The following JARID2 variants were observed in gnomAD, a reference collection of about 807,000 sequenced individuals.
The protein encoded by JARID2 is jumonji and AT-rich interaction domain containing 2.
A neutral mutation model predicts 125.6 loss-of-function variants in JARID2; 21 were observed. The ratio of observed to expected loss-of-function variants is 0.17; its 90% CI spans 0.12 to 0.24. The LOEUF is 0.24. JARID2 is among the 10% of genes least tolerant of loss of function. The pLI is 1.00. For missense variants in JARID2, 1,303 were observed against 1,639.6 expected, an observed-to-expected ratio of 0.79 and a Z score of 3.55; for synonymous variants, 736 against 661.6, an observed-to-expected ratio of 1.11 and a Z score of -1.73.
chr6:15,255,277 G>C (rs1759619807), intron 1 of JARID2, among the ~76,000 whole-genome samples: 1 of 149,874 alleles, frequency 6.7e-6, no homozygotes, highest in Non-Finnish European at 1.5e-5. Flanking sequence ...GCTAATTTTT[G>C]TATTTTTAGT....
chr6:15,296,218 C>A (rs1019079376), intron 1 of JARID2, among the ~76,000 whole-genome samples: 19 of 151,968 alleles, frequency 1.3e-4, no homozygotes, highest in Admixed American at 1.2e-3. Flanking sequence ...TTTTTTTATT[C>A]TTGGCATAAT....
At chr6:15,318,419 C>G (rs1561789508) in intron 1 of JARID2, among the ~76,000 whole-genome samples, 1 of 152,152 alleles carries the variant, frequency 6.6e-6, no homozygotes, top group Non-Finnish European at 1.5e-5. Flanking sequence ...TCTTTGTTTT[C>G]GTATACCTAG....
At chr6:15,374,067 T>C in intron 1 of JARID2, 50 bp from the exon 2 acceptor site, 1 of 1,593,800 alleles carries the variant, frequency 6.3e-7, no homozygotes, top group Non-Finnish European at 8.6e-7. Flanking sequence ...ACTCTGAATA[T>C]TGCCTTGCTT....
chr6:15,262,700 G>A (rs1295409822), intron 1 of JARID2, among the ~76,000 whole-genome samples: 1 of 151,922 alleles, frequency 6.6e-6, no homozygotes, highest in Non-Finnish European at 1.5e-5. Context: ...ACCACGCCCG[G>A]CTAATTTTTG....
intron 1 of JARID2, among the ~76,000 whole-genome samples, chr6:15,346,016 T>C (rs781658411): frequency 2.6e-5 from 4 of 152,254 alleles, no homozygotes; most frequent in Admixed American, 6.5e-5. Context: ...CGTTCAGCTG[T>C]CTGTATTAGA....
At chr6:15,364,604 C>A (rs990432600) in intron 1 of JARID2, among the ~76,000 whole-genome samples, 1 of 152,162 alleles carries the variant, frequency 6.6e-6, no homozygotes, top group African/African-American at 2.4e-5. Flanking sequence ...ATAGTTCTTG[C>A]CTGCTTTAGA....
intron 3 of JARID2, among the ~76,000 whole-genome samples, chr6:15,449,483 C>CAA (rs111845180): frequency 2.8e-4 from 40 of 143,354 alleles, no homozygotes; most frequent in African/African-American, 8.4e-4. Flanking sequence ...CTGTCTTTAT[C>CAA]AAAAAAAAAA....
chr6:15,294,652 T>TGCAG (rs1408845993), intron 1 of JARID2, among the ~76,000 whole-genome samples: 3 of 152,170 alleles, frequency 2.0e-5, no homozygotes, highest in Non-Finnish European at 2.9e-5. Flanking sequence ...GGGAGGTTGA[T>TGCAG]GCAGGACATG....
chr6:15,468,935 G>A (rs1249027233), intron 5 of JARID2, among the ~76,000 whole-genome samples: 1 of 152,096 alleles, frequency 6.6e-6, no homozygotes, highest in East Asian at 1.9e-4. Context: ...TGGAGATGAT[G>A]GTAAATTCTA....
chr6:15,326,426 T>A (rs954437161), intron 1 of JARID2, among the ~76,000 whole-genome samples: 1 of 152,216 alleles, frequency 6.6e-6, no homozygotes, highest in African/African-American at 2.4e-5. Context: ...GTCCTTGAAG[T>A]CCTGGCCCCA....
chr6:15,333,014 C>G (rs1202761300), intron 1 of JARID2, among the ~76,000 whole-genome samples: 1 of 146,790 alleles, frequency 6.8e-6, no homozygotes, highest in Admixed American at 6.9e-5. Flanking sequence ...TAACTGCAGG[C>G]TCCGCCTCCC....
At chr6:15,399,835 T>A (rs955431613) in intron 2 of JARID2, among the ~76,000 whole-genome samples, 1 of 152,268 alleles carries the variant, frequency 6.6e-6, no homozygotes, top group African/African-American at 2.4e-5. Flanking sequence ...CAGTGCCATG[T>A]GGACTTGGCC....
intron 3 of JARID2, among the ~76,000 whole-genome samples, chr6:15,410,850 G>A (rs915124237): frequency 6.6e-6 from 1 of 152,178 alleles, no homozygotes; most frequent in African/African-American, 2.4e-5. Context: ...GTTAGTAGCT[G>A]TGGAATTGGT....
intron 3 of JARID2, among the ~76,000 whole-genome samples, chr6:15,437,728 C>T (rs139284154): frequency 1.2e-4 from 18 of 151,836 alleles, no homozygotes; most frequent in Non-Finnish European, 1.8e-4. Context: ...CGCTTGAACC[C>T]GGGAGGCGGA....
chr6:15,473,823 G>A (rs1371880297), intron 5 of JARID2, among the ~76,000 whole-genome samples: 1 of 152,196 alleles, frequency 6.6e-6, no homozygotes, highest in Non-Finnish European at 1.5e-5. Flanking sequence ...TCCACAGGAT[G>A]TCAGTGCTTC....
chr6:15,299,248 T>C (rs1238014540), intron 1 of JARID2, among the ~76,000 whole-genome samples: 1 of 152,200 alleles, frequency 6.6e-6, no homozygotes, highest in Non-Finnish European at 1.5e-5. Context: ...AGTGTAGTTT[T>C]TGTCCCTGCT....
intron 1 of JARID2, among the ~76,000 whole-genome samples, chr6:15,338,744 C>G (rs898737937): frequency 1.3e-5 from 2 of 152,062 alleles, no homozygotes; most frequent in African/African-American, 4.8e-5. Context: ...AATTCTTGCT[C>G]TCAACAAGGC....
At chr6:15,283,245 TG>T (rs773381378) in intron 1 of JARID2, among the ~76,000 whole-genome samples, 7 of 150,954 alleles carry the variant, frequency 4.6e-5, no homozygotes, top group Non-Finnish European at 1.0e-4. Context: ...CCCAAAGTGC[TG>T]GGATTACAGG....
intron 1 of JARID2, among the ~76,000 whole-genome samples, chr6:15,357,435 TA>T: frequency 6.6e-6 from 1 of 152,338 alleles, no homozygotes; most frequent in Non-Finnish European, 1.5e-5. Flanking sequence ...ATTTAAACAT[TA>T]CATGTCAGTG....
Sources: gnomAD v4.1 joint callset for allele counts (sites outside exome capture counted in the v4.1 genomes callset) on GRCh38, gnomAD v4.1.1 for gene constraint, MANE v1.5 for transcripts, NCBI Gene and HGNC (gene_info 2026-07-23, HGNC 2026-07-21) for gene names.